PSG2: variants seen among roughly 807,000 people sequenced by gnomAD.
PSG2 encodes the protein pregnancy-specific beta-1-glycoprotein 2.
A neutral mutation model predicts 36.2 loss-of-function variants in PSG2; 49 were observed. That is an observed-to-expected ratio of 1.35 (90% confidence interval 1.08 to 1.72). PSG2 has a LOEUF of 1.72. Among genes scored for constraint, PSG2 ranks in the 40% most tolerant of loss-of-function variants. PSG2 has a pLI of 0.00. For synonymous variants in PSG2, 261 were observed against 155.6 expected, an observed-to-expected ratio of 1.68 and a Z score of -5.04; for missense variants, 605 against 407.2, an observed-to-expected ratio of 1.49 and a Z score of -4.18.
At chr19:43,066,880 T>C (rs772344516) in intron 4 of PSG2, among the ~76,000 whole-genome samples, 2 of 151,490 alleles carry the variant, frequency 1.3e-5, no homozygotes, top group Non-Finnish European at 2.9e-5. Flanking sequence ...ATTTTCTATG[T>C]CATTAGAACT....
At chr19:43,073,391 A>G (rs1044102392) in intron 3 of PSG2, among the ~76,000 whole-genome samples, 1 of 151,768 alleles carries the variant, frequency 6.6e-6, no homozygotes, top group Non-Finnish European at 1.5e-5. Context: ...CTCCTTCTGC[A>G]GAGGGCAGGT....
chr19:43,075,302 C>T (rs1967877019), intron 3 of PSG2, 52 bp downstream of exon 3: 2 of 1,613,004 alleles, frequency 1.2e-6, no homozygotes, highest in African/African-American at 1.3e-5. Context: ...GGCCTCTGGC[C>T]ATGTGTATTT....
In PSG2 at chr19:43,072,036, C is replaced by G. The variant is rs116870915; in HGVS notation, c.710-82G>C. On this transcript the variant is annotated intron_variant, in intron 3 of 5. Coordinates refer to ENST00000406487, the MANE Select transcript of PSG2 (RefSeq NM_031246.4). Reference sequence around the variant, plus strand: ...TGGTCTCTTAAAGGGACACAGTGACCCTCTGAGACAAGACACATCCTCAAG... The same window carrying G: ...TGGTCTCTTAAAGGGACACAGTGACGCTCTGAGACAAGACACATCCTCAAG... The G allele has an allele frequency of 6.1e-5, 94 of 1,534,198 alleles. 4 individuals carry two copies. The African/African-American group carries it at 1.3e-3, about 20-fold the overall frequency.
chr19:43,070,985 C>T (rs1286146694), intron 4 of PSG2, among the ~76,000 whole-genome samples: 1 of 151,718 alleles, frequency 6.6e-6, no homozygotes, highest in East Asian at 1.9e-4. Flanking sequence ...GTCCCACGTA[C>T]TGTGCCCACA....
chr19:43,077,947 A>G (rs1967920751), intron 2 of PSG2, among the ~76,000 whole-genome samples: 3 of 147,138 alleles, frequency 2.0e-5, no homozygotes, highest in Admixed American at 6.7e-5. Flanking sequence ...GGAAGCCAGA[A>G]GTCTCTAGGA....
rs199796629 is a variant in PSG2, at chr19:43,075,573, T to G, written c.490A>C (p.Thr164Pro). The G allele has an allele frequency of 1.9e-6, 3 of 1,613,228 alleles. No homozygotes were observed. The highest frequency in any genetic ancestry group is 1.7e-6 in the Non-Finnish European group (2 of 1,179,754). ...TCAGGATCACAGGTTAAGATCACAG[T>G]TTCCATGGCCTCCCTGGGGTTTAAG... ...SNLNPREAMETVILTCDPETP... is the reference protein window; with the variant it reads ...SNLNPREAMEPVILTCDPETP... The change falls in exon 3 of 6, where the codon ACT becomes CCT. Residue 164 changes from threonine (T) to proline (P), a missense_variant. By Grantham distance (38) the Thr-to-Pro change is conservative (BLOSUM62 -1). Coordinates refer to ENST00000406487, the MANE Select transcript of PSG2 (RefSeq NM_031246.4).
At chr19:43,080,677 C>G (rs1046384131) in intron 2 of PSG2, among the ~76,000 whole-genome samples, 6 of 151,602 alleles carry the variant, frequency 4.0e-5, no homozygotes, top group African/African-American at 1.5e-4. Context: ...CAGCGAGTGT[C>G]TGCAGGGTCT....
intron 4 of PSG2, among the ~76,000 whole-genome samples, chr19:43,069,620 C>T (rs1967788600): frequency 6.6e-6 from 1 of 151,640 alleles, no homozygotes; most frequent in Non-Finnish European, 1.5e-5. Flanking sequence ...ACAGTGTTCT[C>T]ACCAAATGAT....
chr19:43,073,727 G>T (rs1481298352), intron 3 of PSG2, among the ~76,000 whole-genome samples: 1 of 151,628 alleles, frequency 6.6e-6, no homozygotes, highest in Non-Finnish European at 1.5e-5. Context: ...GTTATGCAAG[G>T]TAGGGAGTTT....
At chr19:43,072,269 G>T (rs373867367) in intron 3 of PSG2, 1 of 1,575,442 alleles carries the variant, frequency 6.3e-7, no homozygotes, top group Non-Finnish European at 8.6e-7. Context: ...TCTATACTTG[G>T]ACCGGAGAGA....
chr19:43,080,599 G>A lies in PSG2; in HGVS notation c.430+282C>T, dbSNP rs547149747. 2.5e-4 allele frequency among the ~76,000 whole-genome samples: 38 copies of A among 151,680 alleles called. 1 individual carries two copies. The highest frequency in any genetic ancestry group is 1.4e-3 in the Admixed American group (21 of 15,238). On this transcript the variant is annotated intron_variant, in intron 2 of 5. Coordinates refer to ENST00000406487, the MANE Select transcript of PSG2 (RefSeq NM_031246.4). Reference sequence around the variant, plus strand: ...TTCTCAGGGTCAAATTTATGAAGAGGGCATGAGGTGCTTGGCTGAGACTGA... The same window carrying A: ...TTCTCAGGGTCAAATTTATGAAGAGAGCATGAGGTGCTTGGCTGAGACTGA...
rs1212882210 is a variant in PSG2 at position 43,080,955 on chromosome 19, G to A, written c.356C>T (p.Ser119Phe). ...IQNVTREDAGSYTLHIIKRGD... is the reference protein window; with the variant it reads ...IQNVTREDAGFYTLHIIKRGD... Reference sequence around the variant, plus strand: ...TCGCTTTATGATGTGTAAGGTGTAGGATCCTGCGTCCTCCCGGGTGACATT... The same window carrying A: ...TCGCTTTATGATGTGTAAGGTGTAGAATCCTGCGTCCTCCCGGGTGACATT... Residue 119 changes from serine to phenylalanine, a missense_variant, in exon 2 of 6, where the codon TCC becomes TTC. Transcript: ENST00000406487. 26 of 1,612,920 alleles carry A rather than the reference G, an allele frequency of 1.6e-5. No homozygotes were observed. In the South Asian group the frequency reaches 2.2e-4, roughly 14 times the overall value.
chr19:43,082,308 T>A (rs922470402), intron 1 of PSG2, 198 bp downstream of exon 1: 7 of 788,276 alleles, frequency 8.9e-6, no homozygotes, highest in Non-Finnish European at 1.1e-5. Flanking sequence ...ACCTGGTTAA[T>A]TTTTTGTATT....
At chr19:43,066,338 G>A (rs1281565455) in intron 5 of PSG2, among the ~76,000 whole-genome samples, 179 bp downstream of exon 5, 5 of 151,630 alleles carry the variant, frequency 3.3e-5, no homozygotes, top group Admixed American at 1.3e-4. Flanking sequence ...AAGACAGTGG[G>A]GTACAGGGAG....
rs186336131 is a variant in PSG2, at chr19:43,069,407, C to A, written c.964+2293G>T. 4.3e-4 allele frequency among the ~76,000 whole-genome samples: 66 copies of A among 151,744 alleles called. 6 individuals carry two copies. The highest frequency in any genetic ancestry group is 1.6e-3 in the African/African-American group (66 of 41,180). ...ATCTCATGACTAAATAGACACAGAG[C>A]TTTGAGGAGGAAGAATGAAGCTGGA... On this transcript the variant is annotated intron_variant, in intron 4 of 5. Transcript: ENST00000406487.
intron 2 of PSG2, among the ~76,000 whole-genome samples, chr19:43,080,088 C>G (rs1376593123): frequency 6.6e-6 from 1 of 151,814 alleles, no homozygotes; most frequent in Non-Finnish European, 1.5e-5. Context: ...ACACAAACAG[C>G]ATTTATTATT....
At chr19:43,068,369 G>T (rs1431448503) in intron 4 of PSG2, among the ~76,000 whole-genome samples, 3 of 150,976 alleles carry the variant, frequency 2.0e-5, no homozygotes, top group Admixed American at 1.3e-4. Flanking sequence ...AGCCCAGGAG[G>T]TTGAGGCTGC....
intron 4 of PSG2, among the ~76,000 whole-genome samples, chr19:43,068,886 T>G (rs10410440): frequency 0.2 from 29,751 of 151,284 alleles, 5,263 homozygotes; most frequent in African/African-American, 0.45. Context: ...GGCAAGAATT[T>G]AAAAAAAGAC....
intron 3 of PSG2, chr19:43,072,696 A>T: frequency 6.3e-7 from 1 of 1,588,456 alleles, no homozygotes; most frequent in Non-Finnish European, 8.6e-7. Context: ...GCATCCTTCA[A>T]TCAGAGTTAC....
Sources: allele counts gnomAD v4.1 joint callset (sites outside exome capture counted in the v4.1 genomes callset), GRCh38; gene constraint gnomAD v4.1.1; transcripts MANE v1.5; gene names NCBI Gene and HGNC (gene_info 2026-07-23, HGNC 2026-07-21).